Variants in NMNAT3 observed in about 807,000 individuals in gnomAD.
NMNAT3 encodes nicotinamide nucleotide adenylyltransferase 3.
In NMNAT3, 21 loss-of-function variants were observed where a neutral mutation model predicts 24.8. The ratio of observed to expected loss-of-function variants is 0.85; its 90% CI spans 0.60 to 1.22. The LOEUF (loss-of-function observed/expected upper bound fraction) is 1.22. NMNAT3 is among the 50% of genes most tolerant of loss of function. The pLI, the probability that NMNAT3 is intolerant of heterozygous loss-of-function variation, is 0.00. For missense variants in NMNAT3, 387 were observed against 436.6 expected (o/e 0.89, Z 1.01); for synonymous variants, 136 against 155.2 (o/e 0.88, Z 0.92).
intron 3 of NMNAT3, among the ~76,000 whole-genome samples, chr3:139,626,814 A>G (rs2056070629): frequency 6.6e-6 from 1 of 152,154 alleles, no homozygotes; most frequent in Non-Finnish European, 1.5e-5. Context: ...TTACTCAAAT[A>G]CTTTTTGCTA....
intron 1 of NMNAT3, among the ~76,000 whole-genome samples, chr3:139,642,600 C>T (rs2108360410): frequency 6.6e-6 from 1 of 152,318 alleles, no homozygotes; most frequent in Non-Finnish European, 1.5e-5. Flanking sequence ...AACTTAACCT[C>T]AGGGTAAGCT....
intron 3 of NMNAT3, among the ~76,000 whole-genome samples, chr3:139,620,619 T>C (rs1405249969): frequency 6.6e-6 from 1 of 152,238 alleles, no homozygotes; most frequent in Non-Finnish European, 1.5e-5. Flanking sequence ...AAAGCTGCTC[T>C]GAACATTCAT....
intron 3 of NMNAT3, among the ~76,000 whole-genome samples, chr3:139,591,424 G>A (rs1026290964): frequency 4.6e-5 from 7 of 152,126 alleles, no homozygotes; most frequent in African/African-American, 1.7e-4. Context: ...GCTTGCTTAG[G>A]TAAACAAAGC....
intron 6 of NMNAT3, chr3:139,568,657 T>G (rs1370371669): frequency 1.3e-5 from 2 of 152,200 alleles, no homozygotes; most frequent in Non-Finnish European, 2.9e-5. Flanking sequence ...CGGTTTTGAG[T>G]GAGTTTCTTA....
chr3:139,592,595 A>G (rs1334656051), intron 3 of NMNAT3, among the ~76,000 whole-genome samples: 1 of 152,232 alleles, frequency 6.6e-6, no homozygotes, highest in Non-Finnish European at 1.5e-5. Context: ...CTCAAAGGGA[A>G]GCCCATCAGA....
chr3:139,591,475 A>G (rs1322898391), intron 3 of NMNAT3, among the ~76,000 whole-genome samples: 2 of 152,176 alleles, frequency 1.3e-5, no homozygotes, highest in Non-Finnish European at 2.9e-5. Context: ...CCACAGCTCA[A>G]GGAGGCCTGC....
rs968855176 is a variant in NMNAT3 at position 139,654,711 on chromosome 3, G to C, written c.-140-16649C>G. On this transcript the variant is annotated intron_variant, in intron 1 of 6. Coordinates refer to ENST00000643695, the MANE Select transcript of NMNAT3 (RefSeq NM_001320510.2). ...CCAACTGGCTGTGGAATGCATTATA[G>C]GATTTATGTTATCAATGACTCTATG... is the stretch of plus-strand genomic sequence containing the variant. Among the ~76,000 whole-genome samples, 3 of 152,190 alleles carry C rather than the reference G, an allele frequency of 2.0e-5. 1 individual carries two copies. In the South Asian group the frequency reaches 6.2e-4, roughly 32 times the overall value.
Position 139,560,959 on chromosome 3 carries a change from C to G in NMNAT3, c.*51G>C. 1.3e-6 allele frequency: 2 copies of G among 1,559,000 alleles called. No homozygotes were observed. The highest frequency in any genetic ancestry group is 1.7e-6 in the Non-Finnish European group (2 of 1,150,572). On this transcript the variant is annotated 3_prime_UTR_variant, in exon 7 of 7. Transcript: ENST00000643695. ...GTAAAACAGAAACCTTAACAGCCCT[C>G]TCCCCAGCAGGAGCTTGTTGGAGGA...
At chr3:139,636,443 T>C (rs2056505483) in intron 2 of NMNAT3, 2 of 152,334 alleles carry the variant, frequency 1.3e-5, no homozygotes, top group South Asian at 4.1e-4. Context: ...GAATCTTTTC[T>C]GTAGATCACA....
chr3:139,621,876 C>A (rs537494728), intron 3 of NMNAT3, among the ~76,000 whole-genome samples: 29 of 152,294 alleles, frequency 1.9e-4, no homozygotes, highest in African/African-American at 7.0e-4. Flanking sequence ...AGATAATGAT[C>A]TCCAGTTCCA....
At chr3:139,639,377 G>A (rs1337584429) in intron 1 of NMNAT3, among the ~76,000 whole-genome samples, 1 of 152,356 alleles carries the variant, frequency 6.6e-6, no homozygotes, top group Non-Finnish European at 1.5e-5. Context: ...GCTGCTGATT[G>A]TTCTGGACTT....
chr3:139,657,993 T>C (rs2057299817), intron 1 of NMNAT3, among the ~76,000 whole-genome samples: 1 of 151,882 alleles, frequency 6.6e-6, no homozygotes, highest in East Asian at 1.9e-4. Context: ...CCCAAAATGG[T>C]AAGTGCATGC....
chr3:139,621,558 G>A (rs1233662667), intron 3 of NMNAT3, among the ~76,000 whole-genome samples: 2 of 152,092 alleles, frequency 1.3e-5, no homozygotes, highest in East Asian at 3.9e-4. Context: ...TTTTAGTAGA[G>A]ACAGGGTTTT....
At chr3:139,661,947 T>C (rs2057428872) in intron 1 of NMNAT3, among the ~76,000 whole-genome samples, 1 of 152,192 alleles carries the variant, frequency 6.6e-6, no homozygotes. Flanking sequence ...CCAACATCAG[T>C]GTATTTTTTT....
chr3:139,595,176 CAGAG>C (rs1396164608), intron 3 of NMNAT3, among the ~76,000 whole-genome samples: 1 of 152,150 alleles, frequency 6.6e-6, no homozygotes, highest in Non-Finnish European at 1.5e-5. Flanking sequence ...AACAGACAAA[CAGAG>C]AGCCAAATCA....
chr3:139,631,880 A>G (rs1472967810), intron 2 of NMNAT3, among the ~76,000 whole-genome samples: 1 of 152,184 alleles, frequency 6.6e-6, no homozygotes, highest in Non-Finnish European at 1.5e-5. Context: ...TTTCTTCACC[A>G]GAGAACTGTC....
At chr3:139,627,226 A>AT (rs2056091473) in intron 3 of NMNAT3, among the ~76,000 whole-genome samples, 1 of 152,110 alleles carries the variant, frequency 6.6e-6, no homozygotes, top group African/African-American at 2.4e-5. Flanking sequence ...ATTATCAAGC[A>AT]TTTTCTTACC....
rs1252864842 is a variant in NMNAT3 at position 139,576,224 on chromosome 3, C to T, written c.576-2544G>A. The T allele has an allele frequency of 5.1e-6, 5 of 985,096 alleles. No homozygotes were observed. In the African/African-American group the frequency reaches 7.0e-5, roughly 14 times the overall value. The allele number at this position is 985,096 out of a possible 1,614,324, so 61.0% of individuals were successfully genotyped here. A position where few individuals can be genotyped will look rare whatever the true frequency, so the allele number is the denominator to read the frequency against. ...AAACCACCTGACTTTACAATTATAA[C>T]TGGATTTTCAGTCTTAAAAAACTTT... On this transcript the variant is annotated intron_variant, in intron 5 of 6. Coordinates refer to ENST00000643695, the MANE Select transcript of NMNAT3 (RefSeq NM_001320510.2).
chr3:139,621,786 C>T (rs1018205392), intron 3 of NMNAT3, among the ~76,000 whole-genome samples: 1 of 152,184 alleles, frequency 6.6e-6, no homozygotes, highest in Non-Finnish European at 1.5e-5. Context: ...TCTTTCCACT[C>T]TCCACCTCCA....
Sources: allele counts gnomAD v4.1 joint callset (sites outside exome capture counted in the v4.1 genomes callset), GRCh38; gene constraint gnomAD v4.1.1; transcripts MANE v1.5; gene names NCBI Gene and HGNC (gene_info 2026-07-23, HGNC 2026-07-21).